Variants in NAT9 observed in about 807,000 individuals in gnomAD.
The protein encoded by NAT9 is N-acetyltransferase 9.
A neutral mutation model predicts 24.0 loss-of-function variants in NAT9; 18 were observed. The ratio of observed to expected loss-of-function variants is 0.75; its 90% CI spans 0.52 to 1.11. NAT9 has a LOEUF of 1.11. Among genes scored for constraint, NAT9 ranks in the 50% most tolerant of loss-of-function variants. The pLI, the probability that NAT9 is intolerant of heterozygous loss-of-function variation, is 0.00. For synonymous variants in NAT9, 104 were observed against 102.3 expected, an observed-to-expected ratio of 1.02 and a Z score of -0.10; for missense variants, 254 against 258.6, an observed-to-expected ratio of 0.98 and a Z score of 0.12.
chr17:74,772,889 A>C lies in NAT9; in HGVS notation c.334+7T>G. The C allele has an allele frequency of 6.2e-7, 1 of 1,614,090 alleles. No homozygotes were observed. The highest frequency in any genetic ancestry group is 8.5e-7 in the Non-Finnish European group (1 of 1,179,998). ...GTCAGCGGAAGGCAGGGCTAGGTGA[A>C]ACAAACCTGCAATCATGACCTCGAT... On this transcript the variant is annotated splice_region_variant and intron_variant, in intron 4 of 6. Coordinates refer to ENST00000357814, the MANE Select transcript of NAT9 (RefSeq NM_015654.5).
intron 3 of NAT9, 40 bp from the exon 4 acceptor site, chr17:74,773,079 G>A (rs772996678): frequency 2.5e-6 from 4 of 1,604,204 alleles, no homozygotes; most frequent in Non-Finnish European, 3.4e-6. Flanking sequence ...ACACTCCCCA[G>A]AGGAGAGAAG....
intron 4 of NAT9, 119 bp downstream of exon 4, chr17:74,772,777 T>G: frequency 6.8e-7 from 1 of 1,461,498 alleles, no homozygotes; most frequent in East Asian, 2.3e-5. Flanking sequence ...GGCCCTGGAC[T>G]CACCACATGG....
chr17:74,775,500 C>G, intron 2 of NAT9, 122 bp downstream of exon 2: 1 of 832,160 alleles, frequency 1.2e-6, no homozygotes, highest in Non-Finnish European at 1.8e-6. Flanking sequence ...TTTTTCCCCC[C>G]TCATATATAA....
chr17:74,772,428 G>A (rs945056085), intron 4 of NAT9, 151 bp from the exon 5 acceptor site: 2 of 1,423,762 alleles, frequency 1.4e-6, no homozygotes, highest in African/African-American at 2.9e-5. Flanking sequence ...AAAGAAGTGT[G>A]AAAGGCCTCA....
At chr17:74,773,065 A>T in intron 3 of NAT9, 26 bp from the exon 4 acceptor site, 1 of 1,611,774 alleles carries the variant, frequency 6.2e-7, no homozygotes, top group Non-Finnish European at 8.5e-7. Flanking sequence ...CAGGGCTATC[A>T]CACACACTCC....
In NAT9 at chr17:74,770,577, G is replaced by C. The variant is rs2035100038; in HGVS notation, c.*1147C>G. ...TTTATAATGTTTGTTTTATACTGAG[G>C]CATGTTTTCGGTTCCAGTTGTTCAC... On this transcript the variant is annotated 3_prime_UTR_variant, in exon 7 of 7. Coordinates refer to ENST00000357814, the MANE Select transcript of NAT9 (RefSeq NM_015654.5). The C allele has an allele frequency of 6.6e-6, 1 of 152,234 alleles. No individual in the cohort carries two copies. Among genetic ancestry groups the C allele is most frequent in the Non-Finnish European group, 1.5e-5 (1 of 68,056 alleles). 9.4% of individuals were successfully genotyped at this position (152,234 alleles called of 1,614,324 possible).
chr17:74,772,579 G>C, intron 4 of NAT9: 2 of 1,404,568 alleles, frequency 1.4e-6, no homozygotes, highest in Non-Finnish European at 1.8e-6. Flanking sequence ...GCCTCCTCCT[G>C]TAATATGACA....
chr17:74,775,612 G>T lies in NAT9; in HGVS notation c.77+10C>A. ...GCTGATACGCACCCCATGTCAAGCG[G>T]GAAAGATACCTGGGCACATGCTCCG... is the stretch of plus-strand genomic sequence containing the variant. On this transcript the variant is annotated intron_variant, in intron 2 of 6. Transcript: ENST00000357814. The T allele has an allele frequency of 3.1e-6, 5 of 1,613,060 alleles. No individual in the cohort carries two copies. Among genetic ancestry groups the T allele is most frequent in the Non-Finnish European group, 4.2e-6 (5 of 1,179,088 alleles).
At chr17:74,775,173 GTTTTTGTT>G (rs1567848506) in intron 2 of NAT9, among the ~76,000 whole-genome samples, 2 of 147,620 alleles carry the variant, frequency 1.4e-5, no homozygotes, top group African/African-American at 2.5e-5. Context: ...GTTTTTGTTT[GTTTTTGTT>G]TTTTTGTTTT....
intron 2 of NAT9, 126 bp downstream of exon 2, chr17:74,775,496 C>T (rs572053617): frequency 2.7e-5 from 21 of 770,354 alleles, no homozygotes; most frequent in Middle Eastern, 2.8e-4. Context: ...GCCTTTTTTC[C>T]CCCCTCATAT....
intron 1 of NAT9, chr17:74,775,968 C>CTTCG: frequency 2.5e-6 from 1 of 402,514 alleles, no homozygotes; most frequent in Non-Finnish European, 4.5e-6. Flanking sequence ...CTCCCCAGAA[C>CTTCG]TTCGATTCCT....
rs2035199054 is a variant in NAT9, at chr17:74,771,489, C to G, written c.*235G>C. On this transcript the variant is annotated 3_prime_UTR_variant, in exon 7 of 7. Coordinates refer to ENST00000357814, the MANE Select transcript of NAT9 (RefSeq NM_015654.5). ...GCCCTCCATTCCAGCTTCCTAGAGT[C>G]TGGGTCTGGGTTTGGCCGGGAGGGG... 1.6e-6 allele frequency: 1 copy of G among 616,642 alleles called. No individual in the cohort carries two copies. The highest frequency in any genetic ancestry group is 2.8e-6 in the Non-Finnish European group (1 of 359,090). 38.2% of individuals were successfully genotyped at this position (616,642 alleles called of 1,614,324 possible). A position where few individuals can be genotyped will look rare whatever the true frequency, so the allele number is the denominator to read the frequency against.
At chr17:74,772,482 C>T in intron 4 of NAT9, 3 of 1,432,194 alleles carry the variant, frequency 2.1e-6, no homozygotes, top group Non-Finnish European at 2.7e-6. Flanking sequence ...GACCTCTTTA[C>T]CTCATGGAGT....
In NAT9 at chr17:74,771,629, GC is replaced by G; in HGVS notation, c.*94del. 6.4e-7 allele frequency: 1 copy of G among 1,550,842 alleles called. No homozygotes were observed. The highest frequency in any genetic ancestry group is 2.3e-5 in the East Asian group (1 of 42,966). ...CCTCGAAAGGTGATTCCCAGCCTGG[GC>G]CAGGAGCACTCTCCCAGTGCAGGGC... On this transcript the variant is annotated 3_prime_UTR_variant, in exon 7 of 7. Coordinates refer to ENST00000357814, the MANE Select transcript of NAT9 (RefSeq NM_015654.5).
At position 74,773,564 on chromosome 17, in the gene NAT9, G is replaced by C; in HGVS notation, c.190+12C>G. 6.2e-7 allele frequency: 1 copy of C among 1,608,436 alleles called. No individual in the cohort carries two copies. The highest frequency in any genetic ancestry group is 8.5e-7 in the Non-Finnish European group (1 of 1,175,136). The stretch of plus-strand genomic sequence containing the variant: ...GTACCAGGGCTAGGGGAAGTGGGGG[G>C]GCACTCCTCACTGTCTGCATCTTCC... On this transcript the variant is annotated intron_variant, in intron 3 of 6. Transcript: ENST00000357814.
At chr17:74,773,928 C>G (rs1004641327) in intron 2 of NAT9, 1 of 433,472 alleles carries the variant, frequency 2.3e-6, no homozygotes, top group Non-Finnish European at 4.3e-6. Context: ...CGGGTCAGTG[C>G]GGAGGAGCAG....
intron 3 of NAT9, 73 bp downstream of exon 3, chr17:74,773,503 G>T: frequency 7.4e-7 from 1 of 1,346,770 alleles, no homozygotes; most frequent in South Asian, 1.2e-5. Flanking sequence ...GGAAAGGGAA[G>T]GAACCTGGAG....
intron 2 of NAT9, chr17:74,774,237 A>C (rs1200236118): frequency 1.3e-5 from 2 of 152,544 alleles, no homozygotes; most frequent in African/African-American, 4.8e-5. Context: ...GAACATACTC[A>C]CTGGCACCAG....
At chr17:74,773,382 G>T in intron 3 of NAT9, 194 bp downstream of exon 3, 1 of 602,888 alleles carries the variant, frequency 1.7e-6, no homozygotes, top group Non-Finnish European at 2.9e-6. Context: ...CGATGCAGTG[G>T]GTGGGGAAGA....
Sources: allele counts gnomAD v4.1 joint callset (sites outside exome capture counted in the v4.1 genomes callset), GRCh38; gene constraint gnomAD v4.1.1; transcripts MANE v1.5; gene names NCBI Gene and HGNC (gene_info 2026-07-23, HGNC 2026-07-21).